DIP2C: variants seen among roughly 807,000 people sequenced by gnomAD.
DIP2C encodes the protein DIP2 acetate--CoA ligase C (putative).
Under a neutral mutation model 192.4 loss-of-function variants are expected in DIP2C, and 33 were observed. That is an observed-to-expected ratio of 0.17 (90% CI 0.13 to 0.23). DIP2C has a LOEUF of 0.23. DIP2C is among the 10% of genes least tolerant of loss of function. The pLI, the probability that DIP2C is intolerant of heterozygous loss-of-function variation, is 1.00. For synonymous variants in DIP2C, 979 were observed against 864.1 expected (o/e 1.13, Z -2.33); for missense variants, 1,537 against 2,110.1 (o/e 0.73, Z 5.32).
chr10:504,879 G>A (rs539427126), intron 1 of DIP2C, among the ~76,000 whole-genome samples: 8 of 152,232 alleles, frequency 5.3e-5, no homozygotes, highest in Admixed American at 3.3e-4. Flanking sequence ...TGCTGACCCC[G>A]TCATACTCAG....
intron 14 of DIP2C, among the ~76,000 whole-genome samples, chr10:387,499 G>C (rs902507266): frequency 2.7e-5 from 4 of 148,424 alleles, no homozygotes; most frequent in South Asian, 2.2e-4. Flanking sequence ...CGGGCGGCGG[G>C]GGGGCGACTC....
At chr10:329,063 AACCT>A (rs534388272) in intron 30 of DIP2C, among the ~76,000 whole-genome samples, 3 of 152,234 alleles carry the variant, frequency 2.0e-5, no homozygotes, top group Non-Finnish European at 4.4e-5. Flanking sequence ...GCTAAATTCA[AACCT>A]ACCTTCTTAA....
intron 24 of DIP2C, 51 bp from the exon 25 acceptor site, chr10:349,505 C>G: frequency 1.3e-6 from 2 of 1,574,508 alleles, no homozygotes; most frequent in Non-Finnish European, 1.7e-6. Context: ...AGCAGAGCAG[C>G]TTGCAGAGAG....
intron 2 of DIP2C, among the ~76,000 whole-genome samples, chr10:474,875 C>A (rs1384052631): frequency 6.6e-6 from 1 of 152,164 alleles, no homozygotes; most frequent in African/African-American, 2.4e-5. Context: ...CTTCAATAAT[C>A]TTTTATTCAT....
intron 23 of DIP2C, 55 bp from the exon 24 acceptor site, chr10:356,561 G>C: frequency 1.3e-6 from 2 of 1,495,694 alleles, no homozygotes; most frequent in Non-Finnish European, 1.8e-6. Context: ...CAGGCTGTGC[G>C]GGCTGAGGTG....
intron 1 of DIP2C, among the ~76,000 whole-genome samples, chr10:576,081 G>A (rs763677812): frequency 1.3e-5 from 2 of 152,228 alleles, no homozygotes; most frequent in Non-Finnish European, 2.9e-5. Flanking sequence ...AGAAGCAAAT[G>A]CAGAGTTCAC....
chr10:588,746 C>T (rs1851235317), intron 1 of DIP2C, among the ~76,000 whole-genome samples: 2 of 152,202 alleles, frequency 1.3e-5, no homozygotes, highest in African/African-American at 4.8e-5. Flanking sequence ...CTGAACTGCC[C>T]CACAGGCTAC....
At chr10:465,386 T>C (rs932221707) in intron 3 of DIP2C, among the ~76,000 whole-genome samples, 3 of 150,118 alleles carry the variant, frequency 2.0e-5, no homozygotes, top group Non-Finnish European at 4.4e-5. Flanking sequence ...TGGGACATAT[T>C]TCAAAATAAT....
chr10:574,616 C>T (rs1022541060), intron 1 of DIP2C, among the ~76,000 whole-genome samples: 4 of 152,218 alleles, frequency 2.6e-5, no homozygotes, highest in African/African-American at 7.2e-5. Context: ...GAAACATACT[C>T]AAGAGACCCT....
At chr10:602,581 A>C (rs1222905611) in intron 1 of DIP2C, among the ~76,000 whole-genome samples, 21 of 152,168 alleles carry the variant, frequency 1.4e-4, no homozygotes, top group African/African-American at 5.1e-4. Flanking sequence ...TCTGTGAGCA[A>C]CAGGTCCTGG....
In DIP2C at chr10:666,197, T is replaced by C. The variant is rs1398593917; in HGVS notation, c.85+23297A>G. ...TTTGTTTTCTCCGAACTGGCCTTATTATTATTAATTATTCCTTCAGCACCT... is the reference window on the plus strand; with the variant it reads ...TTTGTTTTCTCCGAACTGGCCTTATCATTATTAATTATTCCTTCAGCACCT... On this transcript the variant is annotated intron_variant, in intron 1 of 36. Transcript: ENST00000280886. This position sits in a 1 kb window ranked among gnomAD's most constrained non-coding sequence, Gnocchi z 4.1. 3 of 152,186 alleles carry C rather than the reference T, an allele frequency of 2.0e-5. No individual in the cohort carries two copies. The highest frequency in any genetic ancestry group is 2.9e-5 in the Non-Finnish European group (2 of 68,040). 9.4% of individuals were successfully genotyped at this position (152,186 alleles called of 1,614,324 possible). A position where few individuals can be genotyped will look rare whatever the true frequency, so the allele number is the denominator to read the frequency against.
chr10:386,164 G>GCA (rs1281290389), intron 14 of DIP2C, among the ~76,000 whole-genome samples: 1 of 152,196 alleles, frequency 6.6e-6, no homozygotes, highest in East Asian at 1.9e-4. Flanking sequence ...GTGACTAACG[G>GCA]CACCAGTGAT....
chr10:617,200 G>A (rs1402584049), intron 1 of DIP2C, among the ~76,000 whole-genome samples: 5 of 40,466 alleles, frequency 1.2e-4, no homozygotes, highest in Admixed American at 7.8e-4. Flanking sequence ...TATCTCAGCC[G>A]CCCCCTGAAA....
At chr10:656,836 G>T (rs1235350433) in intron 1 of DIP2C, among the ~76,000 whole-genome samples, 17 of 152,186 alleles carry the variant, frequency 1.1e-4, no homozygotes, top group African/African-American at 3.4e-4. Context: ...ACAGCTGAGG[G>T]TCGATCCCAA....
chr10:414,727 G>GTATATATATATATA (rs1305381030), intron 7 of DIP2C, among the ~76,000 whole-genome samples: 4 of 70,360 alleles, frequency 5.7e-5, no homozygotes, highest in African/African-American at 2.2e-4. Context: ...GTGTGTGTGT[G>GTATATATATATATA]TGTGTGTGTG....
intron 4 of DIP2C, among the ~76,000 whole-genome samples, chr10:434,447 C>CTT (rs553423907): frequency 1.3e-5 from 2 of 151,994 alleles, no homozygotes; most frequent in Admixed American, 6.6e-5. Context: ...CCATGTTTGG[C>CTT]TTTTTTTAAG....
At chr10:445,265 T>C (rs1038276264) in intron 3 of DIP2C, among the ~76,000 whole-genome samples, 2 of 151,560 alleles carry the variant, frequency 1.3e-5, no homozygotes, top group East Asian at 3.9e-4. Context: ...ATGGGGCATC[T>C]GTATACAACT....
At chr10:487,583 T>G (rs1393816960) in intron 1 of DIP2C, among the ~76,000 whole-genome samples, 1 of 135,860 alleles carries the variant, frequency 7.4e-6, no homozygotes, top group Non-Finnish European at 1.6e-5. Flanking sequence ...TTTTTTTTTT[T>G]TTTTTTTTTT....
At chr10:685,000 G>T (rs1457366717) in intron 1 of DIP2C, among the ~76,000 whole-genome samples, 1 of 151,556 alleles carries the variant, frequency 6.6e-6, no homozygotes, top group Non-Finnish European at 1.5e-5. Context: ...CGGGTGTGGT[G>T]GCGGGCACCT....
Sources: allele counts gnomAD v4.1 joint callset (sites outside exome capture counted in the v4.1 genomes callset), GRCh38; gene constraint gnomAD v4.1.1; non-coding constraint Gnocchi (gnomAD v3.1); transcripts MANE v1.5; gene names NCBI Gene and HGNC (gene_info 2026-07-23, HGNC 2026-07-21).